Variants in EML4 observed in about 807,000 individuals in gnomAD.
The protein encoded by EML4 is echinoderm microtubule-associated protein-like 4.
Under a neutral mutation model 129.0 loss-of-function variants are expected in EML4, and 72 were observed. The ratio of observed to expected loss-of-function variants is 0.56; its 90% CI spans 0.46 to 0.68. EML4 has a LOEUF of 0.68. EML4 is among the 30% of genes least tolerant of loss of function. EML4 has a pLI of 0.00. For missense variants in EML4, 1,363 were observed against 1,190.6 expected (o/e 1.14, Z -2.13); for synonymous variants, 532 against 405.0 (o/e 1.31, Z -3.77).
chr2:42,250,467 C>T (rs183422680), intron 2 of EML4, among the ~76,000 whole-genome samples: 1 of 152,254 alleles, frequency 6.6e-6, no homozygotes, highest in African/African-American at 2.4e-5. Context: ...GACCCTTACG[C>T]TAAAATGACT....
chr2:42,208,151 C>T (rs924664415), intron 1 of EML4: 3 of 152,088 alleles, frequency 2.0e-5, no homozygotes, highest in Admixed American at 6.5e-5. Flanking sequence ...TTCTTCCTGG[C>T]CACTCTGGGA....
chr2:42,256,394 AT>A (rs947604207), intron 2 of EML4, 106 bp from the exon 3 acceptor site: 23 of 1,094,078 alleles, frequency 2.1e-5, no homozygotes, highest in African/African-American at 3.2e-5. Flanking sequence ...AATATACTTA[AT>A]TTTTTTTCTA....
chr2:42,190,222 A>G (rs1400968252), intron 1 of EML4, among the ~76,000 whole-genome samples: 1 of 152,164 alleles, frequency 6.6e-6, no homozygotes, highest in Non-Finnish European at 1.5e-5. Context: ...TTGTTGCCAG[A>G]CTTTCTATTC....
intron 6 of EML4, among the ~76,000 whole-genome samples, chr2:42,267,773 A>G (rs898914781): frequency 1.3e-5 from 2 of 152,196 alleles, no homozygotes; most frequent in Non-Finnish European, 2.9e-5. Flanking sequence ...ACTGACCTAT[A>G]TGTTTATACC....
At chr2:42,281,117 G>A in intron 7 of EML4, 144 bp downstream of exon 7, 2 of 688,798 alleles carry the variant, frequency 2.9e-6, no homozygotes, top group Non-Finnish European at 4.6e-6. Flanking sequence ...CATCAGGCCA[G>A]GCGCGGTGGT....
chr2:42,170,815 C>G (rs1670227015), intron 1 of EML4, among the ~76,000 whole-genome samples: 1 of 152,194 alleles, frequency 6.6e-6, no homozygotes, highest in Non-Finnish European at 1.5e-5. Flanking sequence ...GGTTAATGTT[C>G]ACTGATCAGT....
intron 1 of EML4, among the ~76,000 whole-genome samples, chr2:42,191,139 CTT>C (rs1671557734): frequency 1.3e-5 from 2 of 152,224 alleles, no homozygotes; most frequent in Admixed American, 1.3e-4. Flanking sequence ...CCCTGATAAA[CTT>C]AGTTTACAAA....
At chr2:42,223,718 C>G (rs879138497) in intron 1 of EML4, among the ~76,000 whole-genome samples, 16 of 152,080 alleles carry the variant, frequency 1.1e-4, no homozygotes, top group Admixed American at 9.8e-4. Context: ...TAAGAAACAT[C>G]TTTGTTTACA....
At position 42,280,959 on chromosome 2, in the gene EML4, C is replaced by G. The variant is rs1435130282; in HGVS notation, c.777C>G (p.Leu259=). ...DIRTELPPEK[L]KLEWAYGYRG... ...GAACGGAACTGCCTCCTGAGAAGCT[C>G]AAACTGGAGTGGGCGTATCCTTCTC... Residue 259 remains leucine (L), a synonymous_variant, in exon 7 of 23, where the codon CTC becomes CTG. Transcript: ENST00000318522. The G allele has an allele frequency of 6.2e-7, 1 of 1,605,296 alleles. No homozygotes were observed. The highest frequency in any genetic ancestry group is 8.5e-7 in the Non-Finnish European group (1 of 1,176,956).
intron 9 of EML4, chr2:42,285,990 G>T: frequency 2.4e-6 from 1 of 418,228 alleles, no homozygotes; most frequent in Admixed American, 3.5e-5. Flanking sequence ...AATTATAATA[G>T]TGTACCTGTA....
At chr2:42,324,725 A>G (rs189038148) in intron 19 of EML4, among the ~76,000 whole-genome samples, 218 of 152,390 alleles carry the variant, frequency 1.4e-3, no homozygotes, top group African/African-American at 5.1e-3. Context: ...TTGGTGAACC[A>G]TAAGATCTGT....
chr2:42,248,885 C>G (rs558577133), intron 2 of EML4, among the ~76,000 whole-genome samples: 2 of 152,180 alleles, frequency 1.3e-5, no homozygotes, highest in African/African-American at 4.8e-5. Context: ...ATGTTAATTA[C>G]TGTATTTTCC....
intron 1 of EML4, among the ~76,000 whole-genome samples, chr2:42,180,152 T>TA (rs1261722395): frequency 3.3e-5 from 5 of 152,028 alleles, no homozygotes; most frequent in East Asian, 1.9e-4. Context: ...AGTATGGCAT[T>TA]AAAAAAAATT....
At chr2:42,195,397 G>A (rs1371946516) in intron 1 of EML4, among the ~76,000 whole-genome samples, 5 of 152,106 alleles carry the variant, frequency 3.3e-5, no homozygotes, top group African/African-American at 4.8e-5. Context: ...ACTAAAATAA[G>A]CAAAAATAAA....
At chr2:42,324,679 G>T (rs1558613701) in intron 19 of EML4, among the ~76,000 whole-genome samples, 1 of 152,238 alleles carries the variant, frequency 6.6e-6, no homozygotes, top group Non-Finnish European at 1.5e-5. Context: ...ACCACAGACT[G>T]TAGGAGGTAA....
At chr2:42,269,456 G>A (rs747370190) in intron 6 of EML4, among the ~76,000 whole-genome samples, 8 of 152,276 alleles carry the variant, frequency 5.3e-5, no homozygotes, top group Middle Eastern at 3.4e-3. Context: ...GGCATTCAGA[G>A]TTACAGTAGT....
intron 2 of EML4, among the ~76,000 whole-genome samples, chr2:42,254,557 A>T (rs922103168): frequency 3.9e-5 from 6 of 152,140 alleles, no homozygotes; most frequent in Admixed American, 2.0e-4. Context: ...AGTAGGGAAT[A>T]GAAAAACAAT....
In EML4 at chr2:42,216,230, C is replaced by CTTTTTT. The variant is rs61417977; in HGVS notation, c.26-29250_26-29245dup. Among the ~76,000 whole-genome samples the CTTTTTT allele has an allele frequency of 2.0e-3, 86 of 43,378 alleles. 13 individuals are homozygous for CTTTTTT. Among genetic ancestry groups the CTTTTTT allele is most frequent in the African/African-American group, 8.9e-3 (70 of 7,862 alleles). 28.5% of individuals were successfully genotyped at this position (43,378 alleles called of 152,430 possible). A position where few individuals can be genotyped will look rare whatever the true frequency, so the allele number is the denominator to read the frequency against. ...ATGAGCTACCACACCCGGCCCACTT[C>CTTTTTT]TTTTTTTTTTTTTTTTTTTTTTTTT... On this transcript the variant is annotated intron_variant, in intron 1 of 22. Coordinates refer to ENST00000318522, the MANE Select transcript of EML4 (RefSeq NM_019063.5).
chr2:42,327,673 A>G (rs772958128), intron 21 of EML4, among the ~76,000 whole-genome samples: 2 of 152,206 alleles, frequency 1.3e-5, no homozygotes, highest in African/African-American at 2.4e-5. Flanking sequence ...AGCCTTCCTC[A>G]GTATTTAGGT....
Sources: gnomAD v4.1 joint callset for allele counts (sites outside exome capture counted in the v4.1 genomes callset) on GRCh38, gnomAD v4.1.1 for gene constraint, MANE v1.5 for transcripts, NCBI Gene and HGNC (gene_info 2026-07-23, HGNC 2026-07-21) for gene names.